Variants in NHS observed in about 807,000 individuals in gnomAD.
NHS encodes NHS actin remodeling regulator.
NHS carries 5 observed loss-of-function variants against 72.5 expected under a neutral mutation model. The ratio of observed to expected loss-of-function variants is 0.07; its 90% CI spans 0.04 to 0.14. NHS has a LOEUF of 0.14. NHS is among the 10% of genes least tolerant of loss of function. The pLI is 1.00. For synonymous variants in NHS, 464 were observed against 547.7 expected, an observed-to-expected ratio of 0.85 and a Z score of 2.13; for missense variants, 1,072 against 1,355.7, an observed-to-expected ratio of 0.79 and a Z score of 3.29.
intron 3 of NHS, among the ~76,000 whole-genome samples, chrX:17,718,321 TAGGA>T (rs375664709): frequency 1.4e-4 from 10 of 71,668 alleles, no homozygotes; most frequent in African/African-American, 5.3e-4. Context: ...AAAATAAAGA[TAGGA>T]AGGAAAGGAA....
chrX:17,434,320 G>T, intron 1 of NHS, among the ~76,000 whole-genome samples: 1 of 111,635 alleles, frequency 9.0e-6, no homozygotes, highest in Non-Finnish European at 1.9e-5. Context: ...CTCAGTTGGC[G>T]TAAGGAGAAA....
At chrX:17,666,944 T>C (rs1030603506) in intron 1 of NHS, among the ~76,000 whole-genome samples, 5 of 111,833 alleles carry the variant, frequency 4.5e-5, no homozygotes, top group African/African-American at 6.5e-5. Context: ...TTGGCCCCCA[T>C]AGAACTGCTG....
intron 1 of NHS, among the ~76,000 whole-genome samples, chrX:17,437,296 C>T (rs187889052): frequency 5.4e-5 from 6 of 112,144 alleles, no homozygotes; most frequent in African/African-American, 1.9e-4. Context: ...GACACACATG[C>T]ACACACACAT....
At chrX:17,647,001 A>G (rs1405493246) in intron 1 of NHS, among the ~76,000 whole-genome samples, 1 of 112,270 alleles carries the variant, frequency 8.9e-6, no homozygotes, top group Non-Finnish European at 1.9e-5. Flanking sequence ...TAAATACCAA[A>G]TAAAAAAGTC....
intron 1 of NHS, among the ~76,000 whole-genome samples, chrX:17,449,683 A>T (rs2064797523): frequency 8.9e-6 from 1 of 112,342 alleles, no homozygotes; most frequent in Admixed American, 9.4e-5. Context: ...GGAGAGGAAT[A>T]GATATATTTG....
chrX:17,438,443 G>T (rs534313322), intron 1 of NHS, among the ~76,000 whole-genome samples: 1 of 111,819 alleles, frequency 8.9e-6, no homozygotes, highest in South Asian at 3.8e-4. Flanking sequence ...TCCTCCCTAG[G>T]CCTCGGCAGC....
At chrX:17,503,087 G>GA (rs1216099748) in intron 1 of NHS, among the ~76,000 whole-genome samples, 1 of 111,724 alleles carries the variant, frequency 9.0e-6, no homozygotes, top group Non-Finnish European at 1.9e-5. Context: ...GGCTGGCAAA[G>GA]AAAAAAATAT....
intron 1 of NHS, chrX:17,687,318 C>T (rs976441575): frequency 4.6e-6 from 1 of 219,482 alleles, no homozygotes; most frequent in East Asian, 1.1e-4. Context: ...AGCTCTGAGG[C>T]CCTGCGGCCA....
chrX:17,675,755 C>A (rs1235677008), intron 1 of NHS, among the ~76,000 whole-genome samples: 2 of 112,174 alleles, frequency 1.8e-5, no homozygotes, highest in East Asian at 5.6e-4. Flanking sequence ...TTATAGAGAG[C>A]ACATAACTCA....
intron 3 of NHS, 157 bp from the exon 4 acceptor site, chrX:17,719,187 G>C (rs1232095658): frequency 3.1e-5 from 13 of 412,827 alleles, no homozygotes; most frequent in Non-Finnish European, 4.6e-5. Flanking sequence ...GAAGGAGGAA[G>C]GGAAAGAAGG....
At chrX:17,379,456 G>A (rs1235941841) in intron 1 of NHS, among the ~76,000 whole-genome samples, 1 of 112,043 alleles carries the variant, frequency 8.9e-6, no homozygotes, top group African/African-American at 3.2e-5. Context: ...CTAGTTTGTT[G>A]TTTTTGCTTG....
chrX:17,452,576 T>C (rs1569257574), intron 1 of NHS, among the ~76,000 whole-genome samples: 1 of 111,225 alleles, frequency 9.0e-6, no homozygotes, highest in Non-Finnish European at 1.9e-5. Context: ...TGTACTTTCT[T>C]TCAGCTTTGA....
intron 1 of NHS, among the ~76,000 whole-genome samples, chrX:17,640,015 T>C (rs2065873079): frequency 8.9e-6 from 1 of 111,891 alleles, no homozygotes. Flanking sequence ...TTGCCTTTGG[T>C]TGATTCTTGC....
intron 1 of NHS, among the ~76,000 whole-genome samples, chrX:17,521,231 G>T (rs1217436761): frequency 9.0e-6 from 1 of 111,408 alleles, no homozygotes; most frequent in Admixed American, 9.5e-5. Context: ...GGGGCAGGGT[G>T]GCAGATCTGT....
chrX:17,665,092 T>C (rs2066003573), intron 1 of NHS, among the ~76,000 whole-genome samples: 1 of 109,577 alleles, frequency 9.1e-6, no homozygotes, highest in Non-Finnish European at 1.9e-5. Flanking sequence ...TTGATTTTTA[T>C]ATATTGACCT....
chrX:17,563,377 C>T (rs958933751), intron 1 of NHS, among the ~76,000 whole-genome samples: 2 of 112,570 alleles, frequency 1.8e-5, no homozygotes, highest in Non-Finnish European at 3.8e-5. Flanking sequence ...ACTAGCCTCA[C>T]CTGAGACCAG....
chrX:17,679,432 A>T (rs1023288370), intron 1 of NHS, among the ~76,000 whole-genome samples: 6 of 111,547 alleles, frequency 5.4e-5, no homozygotes, highest in Non-Finnish European at 1.9e-5. Context: ...ACATGGGACA[A>T]TGCCTGGCAT....
At chrX:17,570,879 A>G (rs1378057703) in intron 1 of NHS, among the ~76,000 whole-genome samples, 1 of 112,133 alleles carries the variant, frequency 8.9e-6, no homozygotes, top group Non-Finnish European at 1.9e-5. Context: ...TTTACCATGA[A>G]AGGCTGATGA....
chrX:17,645,908 C>T (rs1167171315), intron 1 of NHS, among the ~76,000 whole-genome samples: 1 of 111,916 alleles, frequency 8.9e-6, no homozygotes, highest in East Asian at 2.8e-4. Context: ...CTTCCTGTTG[C>T]TTTGTCTTTC....
Sources: gnomAD v4.1 joint callset for allele counts (sites outside exome capture counted in the v4.1 genomes callset) on GRCh38, gnomAD v4.1.1 for gene constraint, MANE v1.5 for transcripts, NCBI Gene and HGNC (gene_info 2026-07-23, HGNC 2026-07-21) for gene names.